SUN1: variants seen among roughly 807,000 people sequenced by gnomAD.
SUN1 encodes Sad1 and UNC84 domain containing 1.
A neutral mutation model predicts 103.2 loss-of-function variants in SUN1; 61 were observed. The ratio of observed to expected loss-of-function variants is 0.59; its 90% confidence interval spans 0.48 to 0.73. The LOEUF is 0.73. Among genes scored for constraint, SUN1 ranks in the 30% least tolerant of loss-of-function variants. SUN1 has a pLI of 0.00. For missense variants in SUN1, 1,052 were observed against 1,034.6 expected (o/e 1.02, Z -0.23); for synonymous variants, 490 against 425.7 (o/e 1.15, Z -1.86).
intron 1 of SUN1, among the ~76,000 whole-genome samples, chr7:834,358 C>T (rs980266402): frequency 2.0e-5 from 3 of 152,216 alleles, no homozygotes; most frequent in South Asian, 2.1e-4. Flanking sequence ...CGGAGTGCCT[C>T]GGGGAGGTCC....
chr7:865,561 T>G (rs1241459098), intron 15 of SUN1, among the ~76,000 whole-genome samples: 1 of 152,238 alleles, frequency 6.6e-6, no homozygotes, highest in African/African-American at 2.4e-5. Context: ...GAAGTGCAGG[T>G]CTGCCTTCAG....
At chr7:826,232 A>T (rs186743415) in intron 1 of SUN1, among the ~76,000 whole-genome samples, 2 of 150,730 alleles carry the variant, frequency 1.3e-5, no homozygotes, top group Non-Finnish European at 1.5e-5. Context: ...TGTCTCTTAA[A>T]ATACATACAT....
chr7:859,813 C>T (rs1360775737), intron 13 of SUN1, among the ~76,000 whole-genome samples: 2 of 152,214 alleles, frequency 1.3e-5, no homozygotes, highest in African/African-American at 4.8e-5. Context: ...GTGCGCCTCG[C>T]TGCGGGGTGC....
chr7:871,277 G>A (rs1178131190), intron 17 of SUN1, among the ~76,000 whole-genome samples: 1 of 152,088 alleles, frequency 6.6e-6, no homozygotes, highest in Non-Finnish European at 1.5e-5. Flanking sequence ...GTTTCCTTAT[G>A]AATATTTGAG....
intron 1 of SUN1, among the ~76,000 whole-genome samples, chr7:834,621 C>T (rs377702022): frequency 1.3e-5 from 2 of 152,188 alleles, no homozygotes; most frequent in African/African-American, 4.8e-5. Flanking sequence ...GAAAGTTCCC[C>T]TTGTCTTGCA....
rs4283943 is a variant in SUN1 at position 820,135 on chromosome 7, T to C, written c.-74+3462T>C. On this transcript the variant is annotated intron_variant, in intron 1 of 17. Coordinates refer to the SUN1 transcript ENST00000389574. ...AAGACCATTGGGGTTTTGATAGAGA[T>C]AGTATTGAATCTGTACATCACTGTG... Among the ~76,000 whole-genome samples, 564 of 152,314 alleles carry C rather than the reference T, an allele frequency of 3.7e-3. 8 individuals carry two copies. In the South Asian group the frequency reaches 0.041, roughly 11 times the overall value.
Position 861,376 on chromosome 7 carries a change from C to G in SUN1, c.1780-4C>G, listed in dbSNP as rs1832128934. 1 of 1,614,024 alleles carries G rather than the reference C, an allele frequency of 6.2e-7. No individual in the cohort carries two copies. ...TTGGTCTTCCGTCCCTCGTGTCTGT[C>G]CAGCAAGCACGTGCCATCGTGAACA... is the stretch of plus-strand genomic sequence containing the variant. On this transcript the variant is annotated splice_region_variant and splice_polypyrimidine_tract_variant and intron_variant, in intron 14 of 18. Coordinates refer to ENST00000401592, the MANE Select transcript of SUN1 (RefSeq NM_001130965.3).
rs1441447891 is a variant in SUN1 at position 866,717 on chromosome 7, C to CA, written c.1980+650_1980+651insA. Among the ~76,000 whole-genome samples, 22 of 83,126 alleles carry CA rather than the reference C, an allele frequency of 2.6e-4. 1 individual carries two copies. Among genetic ancestry groups the CA allele is most frequent in the Middle Eastern group, 5.7e-3 (1 of 176 alleles). 54.5% of individuals were successfully genotyped at this position (83,126 alleles called of 152,430 possible). On this transcript the variant is annotated intron_variant, in intron 16 of 18. Transcript: ENST00000401592. ...CACCATCTCCGTGGGCCTTCGCCCC[C>CA]CCCCCGCCCCCCGTCCCACCGGGCC...
chr7:843,520 T>C lies in SUN1; in HGVS notation c.658T>C (p.Cys220Arg). 6.2e-7 allele frequency: 1 copy of C among 1,613,964 alleles called. No individual in the cohort carries two copies. The highest frequency in any genetic ancestry group is 2.2e-5 in the East Asian group (1 of 44,876). ...TTATTCTAGGGACAGGAATCAAAAA[T>C]GTAAGTCTCAGTCCTTTAAAACTCA... is the stretch of plus-strand genomic sequence containing the variant. The part of the protein sequence containing the change: ...RVYSRDRNQK[C>R]YFLLQILRRI... Residue 220 changes from cysteine to arginine, a missense_variant and splice_region_variant, in exon 5 of 19, where the codon TGT (cysteine) becomes CGT (arginine). This residue lies in a region of SUN1 where 846 missense variants were observed against 774.5 expected (regional missense o/e 1.09). Transcript: ENST00000401592.
chr7:869,933 C>T (rs7798036), intron 17 of SUN1, among the ~76,000 whole-genome samples: 93,832 of 151,610 alleles, frequency 0.62, 29,372 homozygotes, highest in East Asian at 0.8. Flanking sequence ...TACAGTTGAG[C>T]CTGGAATCCC....
chr7:848,439 A>G, intron 5 of SUN1: 2 of 1,360,836 alleles, frequency 1.5e-6, no homozygotes, highest in Non-Finnish European at 2.0e-6. Context: ...TTCTACGTGA[A>G]TAGGATTTTG....
At chr7:858,753 A>G (rs551809615) in intron 13 of SUN1, among the ~76,000 whole-genome samples, 1 of 152,372 alleles carries the variant, frequency 6.6e-6, no homozygotes, top group East Asian at 1.9e-4. Flanking sequence ...AAGTCATCAA[A>G]GTCAGACAGT....
At chr7:843,663 G>A in intron 5 of SUN1, 143 bp downstream of exon 5, 2 of 1,520,364 alleles carry the variant, frequency 1.3e-6, no homozygotes, top group South Asian at 1.3e-5. Context: ...CCCCAAACCA[G>A]CTTTGTCCTT....
chr7:824,628 G>A (rs1221422138), intron 1 of SUN1, among the ~76,000 whole-genome samples: 2 of 152,188 alleles, frequency 1.3e-5, no homozygotes, highest in East Asian at 1.9e-4. Flanking sequence ...GTGCCCTTAT[G>A]GTAAGGAGAT....
At chr7:843,928 G>A (rs953794642) in intron 5 of SUN1, 25 of 1,116,638 alleles carry the variant, frequency 2.2e-5, no homozygotes, top group African/African-American at 1.8e-4. Flanking sequence ...TGTTCGTGTC[G>A]GGAAAACATT....
intron 13 of SUN1, among the ~76,000 whole-genome samples, chr7:859,152 CAAAAAAA>C (rs140482514): frequency 7.9e-5 from 7 of 88,704 alleles, no homozygotes; most frequent in Non-Finnish European, 1.2e-4. Context: ...GACTCCGTCT[CAAAAAAA>C]AAAAAAAAAG....
rs138427922 is a variant in SUN1 at position 824,659 on chromosome 7, C to A, written c.-74+7986C>A. Among the ~76,000 whole-genome samples, 21 of 152,296 alleles carry A rather than the reference C, an allele frequency of 1.4e-4. No homozygotes were observed. The East Asian group carries it at 3.7e-3, about 27-fold the overall frequency. On this transcript the variant is annotated intron_variant, in intron 1 of 17. Transcript: ENST00000389574. ...GAGATGTGTGCACGTGATCATCGGT[C>A]TTCTGGTAGAAGTCGTCGTTTTCTT...
upstream of SUN1, among the ~76,000 whole-genome samples, chr7:828,102 C>T (rs1057064562): frequency 2.7e-5 from 4 of 150,690 alleles, no homozygotes; most frequent in Non-Finnish European, 4.4e-5. Context: ...GGTGGTTTCA[C>T]CATGTTGCCC....
chr7:824,213 A>G (rs1789156373), intron 1 of SUN1, among the ~76,000 whole-genome samples: 1 of 152,184 alleles, frequency 6.6e-6, no homozygotes, highest in South Asian at 2.1e-4. Context: ...GATGAGAAAT[A>G]CCCCTGGCTG....
Sources: gnomAD v4.1 joint callset for allele counts (sites outside exome capture counted in the v4.1 genomes callset) on GRCh38, gnomAD v4.1.1 for gene constraint, gnomAD v4.1.1 regional missense constraint, MANE v1.5 for transcripts, NCBI Gene and HGNC (gene_info 2026-07-23, HGNC 2026-07-21) for gene names.